CPNE4: variants seen among roughly 807,000 people sequenced by gnomAD.
The protein encoded by CPNE4 is copine-4.
CPNE4 carries 25 observed loss-of-function variants against 67.9 expected under a neutral mutation model. The ratio of observed to expected loss-of-function variants is 0.37; its 90% CI spans 0.27 to 0.51. The LOEUF (loss-of-function observed/expected upper bound fraction) is 0.51, where lower values mean the gene tolerates loss of function less well. Ranked by LOEUF, CPNE4 falls within the 20% of genes least tolerant of loss-of-function variation. CPNE4 has a pLI of 0.93. For synonymous variants in CPNE4, 242 were observed against 244.9 expected, an observed-to-expected ratio of 0.99 and a Z score of 0.11; for missense variants, 464 against 690.8, an observed-to-expected ratio of 0.67 and a Z score of 3.68.
chr3:131,539,894 C>A (rs188400812), intron 15 of CPNE4, among the ~76,000 whole-genome samples: 71 of 152,304 alleles, frequency 4.7e-4, no homozygotes, highest in African/African-American at 1.6e-3. Context: ...CCATCTTAGA[C>A]ACCTAGGGAG....
intron 15 of CPNE4, among the ~76,000 whole-genome samples, chr3:131,541,265 T>A (rs558900752): frequency 4.6e-5 from 7 of 152,332 alleles, no homozygotes; most frequent in African/African-American, 1.7e-4. Flanking sequence ...GAATTCAAGA[T>A]GTCCTTCTGG....
chr3:131,653,143 CTTTTTT>C (rs1206489252), intron 7 of CPNE4, among the ~76,000 whole-genome samples: 1 of 98,614 alleles, frequency 1.0e-5, no homozygotes, highest in Non-Finnish European at 1.9e-5. Context: ...GATAGGACTT[CTTTTTT>C]TTTTTTTTTT....
At chr3:131,617,474 G>A (rs577539222) in intron 7 of CPNE4, among the ~76,000 whole-genome samples, 2 of 152,278 alleles carry the variant, frequency 1.3e-5, no homozygotes, top group South Asian at 2.1e-4. Context: ...AAAGATCGGA[G>A]GTGAGGCCTC....
chr3:131,975,760 T>C (rs1054220929), intron 1 of CPNE4, among the ~76,000 whole-genome samples: 1 of 152,206 alleles, frequency 6.6e-6, no homozygotes, highest in African/African-American at 2.4e-5. Flanking sequence ...TGTTTGTGTA[T>C]TCGAATCATA....
intron 2 of CPNE4, among the ~76,000 whole-genome samples, chr3:131,772,803 T>C (rs1206724269): frequency 6.6e-6 from 1 of 152,148 alleles, no homozygotes; most frequent in Non-Finnish European, 1.5e-5. Context: ...ACATCATGAA[T>C]GTGCCTGGGG....
intron 2 of CPNE4, among the ~76,000 whole-genome samples, chr3:131,864,878 C>T (rs1157819785): frequency 6.6e-6 from 1 of 152,034 alleles, no homozygotes; most frequent in Admixed American, 6.5e-5. Flanking sequence ...TGAGATACGT[C>T]CCATCAATAC....
intron 1 of CPNE4, among the ~76,000 whole-genome samples, chr3:131,929,408 C>A (rs896928843): frequency 8.5e-5 from 13 of 152,090 alleles, no homozygotes; most frequent in African/African-American, 2.9e-4. Context: ...AAAACTTTTT[C>A]ACCCTTCTTA....
chr3:131,747,663 G>A (rs1011251412), intron 2 of CPNE4, among the ~76,000 whole-genome samples: 1 of 152,006 alleles, frequency 6.6e-6, no homozygotes, highest in African/African-American at 2.4e-5. Flanking sequence ...TGTACCACAT[G>A]CCCAGCTGGT....
intron 2 of CPNE4, among the ~76,000 whole-genome samples, chr3:131,760,404 G>T (rs930528402): frequency 2.0e-5 from 3 of 152,100 alleles, no homozygotes; most frequent in African/African-American, 7.2e-5. Context: ...CTATTGAATT[G>T]CAGATTTGGT....
At chr3:131,864,745 T>C (rs193178999) in intron 2 of CPNE4, among the ~76,000 whole-genome samples, 79 of 152,122 alleles carry the variant, frequency 5.2e-4, no homozygotes, top group African/African-American at 1.9e-3. Context: ...AACACTATGT[T>C]GAATAGGAGT....
intron 7 of CPNE4, among the ~76,000 whole-genome samples, chr3:131,588,890 T>A (rs932747452): frequency 6.6e-6 from 1 of 152,168 alleles, no homozygotes; most frequent in Non-Finnish European, 1.5e-5. Context: ...TCTCCCAGCT[T>A]GTCTCCTTGT....
At chr3:131,848,829 G>A (rs374681924) in intron 2 of CPNE4, among the ~76,000 whole-genome samples, 24 of 151,720 alleles carry the variant, frequency 1.6e-4, no homozygotes, top group African/African-American at 5.8e-4. Context: ...CAGGTGTTCT[G>A]AAAAATCTAC....
intron 2 of CPNE4, among the ~76,000 whole-genome samples, chr3:131,801,438 G>A (rs1427653011): frequency 1.1e-5 from 1 of 90,618 alleles, no homozygotes; most frequent in African/African-American, 4.8e-5. Context: ...GTGTGTGTGT[G>A]TGTGTGTGTG....
chr3:131,703,995 A>G (rs2081361696), intron 3 of CPNE4, among the ~76,000 whole-genome samples: 1 of 152,200 alleles, frequency 6.6e-6, no homozygotes, highest in African/African-American at 2.4e-5. Flanking sequence ...TAACATTTCA[A>G]CTACAGGACT....
chr3:131,555,187 G>A (rs1397731029), intron 12 of CPNE4, among the ~76,000 whole-genome samples: 1 of 152,030 alleles, frequency 6.6e-6, no homozygotes, highest in Non-Finnish European at 1.5e-5. Flanking sequence ...CGAGTGAATA[G>A]GTTCTGAGCC....
At chr3:131,628,838 CA>C (rs536121601) in intron 7 of CPNE4, among the ~76,000 whole-genome samples, 2 of 86,620 alleles carry the variant, frequency 2.3e-5, no homozygotes, top group African/African-American at 3.6e-5. Flanking sequence ...TTGATCTTTT[CA>C]AAAAAAACCA....
At chr3:131,538,408 C>A (rs1039829008) in intron 15 of CPNE4, among the ~76,000 whole-genome samples, 3 of 152,154 alleles carry the variant, frequency 2.0e-5, no homozygotes, top group African/African-American at 4.8e-5. Flanking sequence ...TGCTGGCAAG[C>A]AAATAAGGCT....
At chr3:131,890,987 C>T (rs2088090949) in intron 2 of CPNE4, among the ~76,000 whole-genome samples, 1 of 152,028 alleles carries the variant, frequency 6.6e-6, no homozygotes, top group Non-Finnish European at 1.5e-5. Flanking sequence ...TGCAAAATTA[C>T]AGTAATTCCC....
chr3:131,807,062 A>T (rs1246213711), intron 2 of CPNE4, among the ~76,000 whole-genome samples: 4 of 152,314 alleles, frequency 2.6e-5, no homozygotes, highest in East Asian at 1.9e-4. Context: ...AAGGCCATAA[A>T]TTATTAGGAA....
Sources: allele counts gnomAD v4.1 joint callset (sites outside exome capture counted in the v4.1 genomes callset), GRCh38; gene constraint gnomAD v4.1.1; transcripts MANE v1.5; gene names NCBI Gene and HGNC (gene_info 2026-07-23, HGNC 2026-07-21).